The following POFUT1 variants were observed in gnomAD, a reference collection of about 807,000 sequenced individuals.
The protein encoded by POFUT1 is protein O-fucosyltransferase 1.
Under a neutral mutation model 42.4 loss-of-function variants are expected in POFUT1, and 16 were observed. The ratio of observed to expected loss-of-function variants is 0.38; its 90% CI spans 0.26 to 0.57. POFUT1 has a LOEUF of 0.57. Ranked by LOEUF, POFUT1 falls within the 20% of genes least tolerant of loss-of-function variation. POFUT1 has a pLI of 0.71. For synonymous variants in POFUT1, 206 were observed against 205.4 expected (o/e 1.00, Z -0.03); for missense variants, 470 against 504.6 (o/e 0.93, Z 0.66).
chr20:32,233,760 G>A (rs2047455307), intron 6 of POFUT1, among the ~76,000 whole-genome samples: 1 of 152,158 alleles, frequency 6.6e-6, no homozygotes, highest in Admixed American at 6.5e-5. Context: ...TTGGATTTGG[G>A]GTACATGGGA....
Position 32,216,726 on chromosome 20 carries a change from T to C in POFUT1, c.542+5T>C. ...CAGAGAACAATGGAGCCAGAGGTACTTGGAGGGGGTAGCGTTTCTGGGTTT... is the reference window on the plus strand; with the variant it reads ...CAGAGAACAATGGAGCCAGAGGTACCTGGAGGGGGTAGCGTTTCTGGGTTT... On this transcript the variant is annotated splice_donor_5th_base_variant and intron_variant, in intron 4 of 6. Coordinates refer to ENST00000375749, the MANE Select transcript of POFUT1 (RefSeq NM_015352.2). 1 of 1,589,084 alleles carries C rather than the reference T, an allele frequency of 6.3e-7. No individual in the cohort carries two copies. The highest frequency in any genetic ancestry group is 8.6e-7 in the Non-Finnish European group (1 of 1,157,188).
chr20:32,223,852 A>G (rs553280776), intron 4 of POFUT1: 1 of 226,886 alleles, frequency 4.4e-6, no homozygotes, highest in South Asian at 1.6e-4. Flanking sequence ...AGTTAAGAAC[A>G]TAGGATCTGG....
intron 4 of POFUT1, chr20:32,223,238 G>A: frequency 1.0e-6 from 1 of 985,470 alleles, no homozygotes; most frequent in Non-Finnish European, 1.2e-6. Context: ...AGGGTGAGCA[G>A]TCACCGGGAG....
At chr20:32,227,101 G>A (rs1052126765) in intron 4 of POFUT1, among the ~76,000 whole-genome samples, 1 of 152,152 alleles carries the variant, frequency 6.6e-6, no homozygotes, top group African/African-American at 2.4e-5. Context: ...GAGGGAAGAA[G>A]TATACAGAGA....
chr20:32,217,248 A>G (rs971819056), intron 4 of POFUT1: 6 of 1,392,838 alleles, frequency 4.3e-6, no homozygotes, highest in Non-Finnish European at 4.7e-6. Flanking sequence ...TCAGAGGCCA[A>G]TGGTGATGTG....
intron 5 of POFUT1, among the ~76,000 whole-genome samples, chr20:32,230,314 G>A (rs1475656499): frequency 1.3e-5 from 2 of 151,340 alleles, no homozygotes; most frequent in Non-Finnish European, 2.9e-5. Flanking sequence ...GTGAACCCAG[G>A]AGGTGGAGCT....
chr20:32,212,775 T>C (rs2047336606), intron 2 of POFUT1, among the ~76,000 whole-genome samples: 2 of 152,250 alleles, frequency 1.3e-5, no homozygotes, highest in African/African-American at 4.8e-5. Context: ...AAAGACGAGG[T>C]TTCGCCATGT....
rs2047312850 is a variant in POFUT1, at chr20:32,209,189, G to A, written c.125-882G>A. Among the ~76,000 whole-genome samples, 5 of 152,092 alleles carry A rather than the reference G, an allele frequency of 3.3e-5. No individual in the cohort carries two copies. The South Asian group carries it at 1.0e-3, about 31-fold the overall frequency. On this transcript the variant is annotated intron_variant, in intron 1 of 6. Transcript: ENST00000375749. ...TCCAGTCTGCACTGCTGCAGGTGGC[G>A]GTCCCTATGCCTGGAATCCTCTCCT...
At chr20:32,217,134 A>G in intron 4 of POFUT1, 4 of 1,583,854 alleles carry the variant, frequency 2.5e-6, no homozygotes, top group Non-Finnish European at 3.4e-6. Flanking sequence ...GTGTTTATTA[A>G]TTGCACCCCA....
intron 6 of POFUT1, 63 bp from the exon 7 acceptor site, chr20:32,234,410 T>C: frequency 7.1e-7 from 1 of 1,405,030 alleles, no homozygotes; most frequent in Admixed American, 2.1e-5. Context: ...AGGTTGGGGG[T>C]GTGGATGGCA....
chr20:32,214,797 ACT>A (rs2047349875), intron 2 of POFUT1, among the ~76,000 whole-genome samples: 1 of 151,564 alleles, frequency 6.6e-6, no homozygotes, highest in Admixed American at 6.6e-5. Context: ...TAGTTTGCAG[ACT>A]CTCCTGCTAG....
Position 32,207,910 on chromosome 20 carries a change from G to C in POFUT1, c.-32G>C. 2.6e-6 allele frequency: 4 copies of C among 1,563,758 alleles called. No homozygotes were observed. The highest frequency in any genetic ancestry group is 1.2e-5 in the South Asian group (1 of 86,720). Reference sequence around the variant, plus strand: ...CGTCCCTCCTTCCCTCCCCGACTGTGCGCCGCGGCTGGCTCGGGTTCCCGG... The same window carrying C: ...CGTCCCTCCTTCCCTCCCCGACTGTCCGCCGCGGCTGGCTCGGGTTCCCGG... On this transcript the variant is annotated 5_prime_UTR_variant, in exon 1 of 7. Coordinates refer to ENST00000375749, the MANE Select transcript of POFUT1 (RefSeq NM_015352.2).
chr20:32,222,103 A>C lies in POFUT1; in HGVS notation c.542+5382A>C, dbSNP rs551153485. On this transcript the variant is annotated intron_variant, in intron 4 of 6. Transcript: ENST00000375749. ...ACTTGAGGTCAGGAGTTCAAGACCA[A>C]CCTGGCCAACATGGTGAAACCCTGT... Among the ~76,000 whole-genome samples, 17 of 152,056 alleles carry C rather than the reference A, an allele frequency of 1.1e-4. No individual in the cohort carries two copies. In the East Asian group the frequency reaches 3.1e-3, roughly 28 times the overall value.
chr20:32,217,140 C>A, intron 4 of POFUT1: 1 of 1,559,564 alleles, frequency 6.4e-7, no homozygotes. Context: ...ATTAATTGCA[C>A]CCCATTAGCC....
chr20:32,226,036 A>T (rs1479064950), intron 4 of POFUT1, among the ~76,000 whole-genome samples: 1 of 152,208 alleles, frequency 6.6e-6, no homozygotes, highest in African/African-American at 2.4e-5. Flanking sequence ...AAGTGCAATC[A>T]TACATTAAAA....
At position 32,235,822 on chromosome 20, in the gene POFUT1, G is replaced by A. The variant is rs2047467255; in HGVS notation, c.*1161G>A. ...TTCTAAAATTCCTTGTCTGACCCCT[G>A]TAGATCTTTTCCTTGCCATGTCACC... On this transcript the variant is annotated 3_prime_UTR_variant, in exon 7 of 7. Coordinates refer to ENST00000375749, the MANE Select transcript of POFUT1 (RefSeq NM_015352.2). The A allele has an allele frequency of 6.6e-6, 1 of 152,216 alleles. No homozygotes were observed. The highest frequency in any genetic ancestry group is 1.5e-5 in the Non-Finnish European group (1 of 68,052). The allele number at this position is 152,216 out of a possible 1,614,324, so 9.4% of individuals were successfully genotyped here. A position where few individuals can be genotyped will look rare whatever the true frequency, so the allele number is the denominator to read the frequency against.
intron 6 of POFUT1, among the ~76,000 whole-genome samples, chr20:32,233,048 A>G (rs999516622): frequency 2.0e-5 from 3 of 152,234 alleles, no homozygotes; most frequent in Admixed American, 2.0e-4. Context: ...GGGCAGGTCC[A>G]TTCATTCACC....
At chr20:32,227,246 C>T (rs1302394532) in intron 4 of POFUT1, among the ~76,000 whole-genome samples, 1 of 152,122 alleles carries the variant, frequency 6.6e-6, no homozygotes, top group Non-Finnish European at 1.5e-5. Context: ...TGACCGGGCG[C>T]GGTGGCCCAC....
At chr20:32,228,209 G>T (rs2047424330) in intron 4 of POFUT1, 54 bp from the exon 5 acceptor site, 1 of 1,471,698 alleles carries the variant, frequency 6.8e-7, no homozygotes, top group African/African-American at 1.4e-5. Flanking sequence ...CGTGGGGGTG[G>T]CAGCCAGGCT....
Sources: gnomAD v4.1 joint callset for allele counts (sites outside exome capture counted in the v4.1 genomes callset) on GRCh38, gnomAD v4.1.1 for gene constraint, MANE v1.5 for transcripts, NCBI Gene and HGNC (gene_info 2026-07-23, HGNC 2026-07-21) for gene names.